Variants in PPP1R12A observed in about 807,000 individuals in gnomAD.
The protein encoded by PPP1R12A is myosin binding subunit.
In PPP1R12A, 19 loss-of-function variants were observed where a neutral mutation model predicts 139.6. That is an observed-to-expected ratio of 0.14 (90% confidence interval 0.09 to 0.20). The LOEUF (loss-of-function observed/expected upper bound fraction) is 0.20. Ranked by LOEUF, PPP1R12A falls within the 10% of genes least tolerant of loss-of-function variation. The pLI is 1.00. For missense variants in PPP1R12A, 925 were observed against 1,211.5 expected, an observed-to-expected ratio of 0.76 and a Z score of 3.51; for synonymous variants, 427 against 420.6, an observed-to-expected ratio of 1.02 and a Z score of -0.19.
chr12:79,830,430 A>T (rs1351918357), intron 4 of PPP1R12A, among the ~76,000 whole-genome samples: 1 of 152,138 alleles, frequency 6.6e-6, no homozygotes, highest in Non-Finnish European at 1.5e-5. Context: ...ACATTCTCTT[A>T]TTCCTATTAT....
At position 79,809,919 on chromosome 12, in the gene PPP1R12A, C is replaced by T. The variant is rs979916853; in HGVS notation, c.1331G>A (p.Gly444Asp). 4 of 1,613,432 alleles carry T rather than the reference C, an allele frequency of 2.5e-6. No individual in the cohort carries two copies. The highest frequency in any genetic ancestry group is 3.4e-6 in the Non-Finnish European group (4 of 1,179,680). The part of the protein sequence containing the change: ...ATWRLGLRKT[G>D]SYGALAEITA... ...GATTTCAGCAAGTGCACCATAGCTGCCCGTCTTTCTAAGTCCTAACCTCCA... is the reference window on the plus strand; with the variant it reads ...GATTTCAGCAAGTGCACCATAGCTGTCCGTCTTTCTAAGTCCTAACCTCCA... The change falls in exon 10 of 25, where the codon GGC becomes GAC. Residue 444 changes from glycine (G) to aspartate (D), a missense_variant. By Grantham distance (94) the Gly-to-Asp change is moderately conservative (BLOSUM62 -1). Transcript: ENST00000450142.
chr12:79,792,672 C>T (rs531267688), intron 19 of PPP1R12A, among the ~76,000 whole-genome samples: 1 of 152,206 alleles, frequency 6.6e-6, no homozygotes, highest in South Asian at 2.1e-4. Flanking sequence ...AAAATTACAA[C>T]TTTAAAAGCC....
chr12:79,933,788 A>G (rs1255040668), intron 1 of PPP1R12A, among the ~76,000 whole-genome samples: 1 of 152,246 alleles, frequency 6.6e-6, no homozygotes, highest in African/African-American at 2.4e-5. Context: ...TCAGACTACT[A>G]TAAAACTTTA....
At chr12:79,930,618 C>A (rs1888182785) in intron 1 of PPP1R12A, among the ~76,000 whole-genome samples, 1 of 151,808 alleles carries the variant, frequency 6.6e-6, no homozygotes, top group Non-Finnish European at 1.5e-5. Flanking sequence ...ACTAAAAATA[C>A]AAAATTAGCT....
chr12:79,883,920 T>A (rs1376173267), intron 1 of PPP1R12A, among the ~76,000 whole-genome samples: 1 of 152,110 alleles, frequency 6.6e-6, no homozygotes, highest in Non-Finnish European at 1.5e-5. Context: ...AAAAGGAATA[T>A]GGTAAGACAA....
Position 79,843,766 on chromosome 12 carries a change from C to T in PPP1R12A, c.487+1536G>A, listed in dbSNP as rs1169436037. Among the ~76,000 whole-genome samples, 5 of 150,606 alleles carry T rather than the reference C, an allele frequency of 3.3e-5. No homozygotes were observed. The East Asian group carries it at 9.9e-4, about 30-fold the overall frequency. On this transcript the variant is annotated intron_variant, in intron 3 of 24. Coordinates refer to ENST00000450142, the MANE Select transcript of PPP1R12A (RefSeq NM_002480.3). ...TTCTCAAGGCTGGAGTGCAGTGGTG[C>T]AATCTCAGCTCACTGCGACCTCCGC... is the stretch of plus-strand genomic sequence containing the variant.
chr12:79,930,536 G>C (rs1304442342), intron 1 of PPP1R12A, among the ~76,000 whole-genome samples: 6 of 152,178 alleles, frequency 3.9e-5, no homozygotes, highest in African/African-American at 1.4e-4. Context: ...ACTTTGGGAG[G>C]CCGAGGCAGG....
chr12:79,838,554 G>A (rs980120713), intron 3 of PPP1R12A, among the ~76,000 whole-genome samples: 3 of 152,216 alleles, frequency 2.0e-5, no homozygotes, highest in African/African-American at 7.2e-5. Context: ...ATGGTTTCAT[G>A]GGCCGGGTCC....
At chr12:79,813,150 A>G (rs1053433063) in intron 9 of PPP1R12A, among the ~76,000 whole-genome samples, 1 of 152,210 alleles carries the variant, frequency 6.6e-6, no homozygotes, top group African/African-American at 2.4e-5. Context: ...ACATCCTGCA[A>G]TATAGCTCTA....
At chr12:79,835,497 A>G (rs1877964923) in intron 3 of PPP1R12A, among the ~76,000 whole-genome samples, 1 of 152,148 alleles carries the variant, frequency 6.6e-6, no homozygotes, top group African/African-American at 2.4e-5. Context: ...TGGAGTTGCC[A>G]CTTCTAGACT....
intron 22 of PPP1R12A, among the ~76,000 whole-genome samples, chr12:79,783,741 T>A (rs1870766200): frequency 6.6e-6 from 1 of 152,208 alleles, no homozygotes; most frequent in African/African-American, 2.4e-5. Flanking sequence ...CTGGAGATTT[T>A]TTCATATGGG....
chr12:79,878,192 T>C (rs1450066719), intron 1 of PPP1R12A: 1 of 147,652 alleles, frequency 6.8e-6, no homozygotes, highest in Non-Finnish European at 1.5e-5. Flanking sequence ...ATGTAAATTA[T>C]ACCTCAAGTT....
chr12:79,843,669 T>C (rs997022512), intron 3 of PPP1R12A, among the ~76,000 whole-genome samples: 1 of 134,936 alleles, frequency 7.4e-6, no homozygotes, highest in African/African-American at 2.9e-5. Flanking sequence ...GATATAGATA[T>C]AGATATATGG....
chr12:79,815,741 G>A (rs1017687825), intron 9 of PPP1R12A, among the ~76,000 whole-genome samples: 2 of 152,114 alleles, frequency 1.3e-5, no homozygotes, highest in Non-Finnish European at 2.9e-5. Context: ...AAATTTTGCA[G>A]ACAAACTGCT....
Position 79,820,761 on chromosome 12 carries a change from CT to C in PPP1R12A, c.1114+12del, listed in dbSNP as rs1876010669. On this transcript the variant is annotated intron_variant, in intron 8 of 24. Coordinates refer to ENST00000450142, the MANE Select transcript of PPP1R12A (RefSeq NM_002480.3). Reference sequence around the variant, plus strand: ...CAAAATTCAACGAAAATGCATTTATCTTTTAATTTTACCTGTTTCAGCTTCT... The same window carrying C: ...CAAAATTCAACGAAAATGCATTTATCTTTAATTTTACCTGTTTCAGCTTCT... The C allele has an allele frequency of 6.2e-7, 1 of 1,606,178 alleles. No individual in the cohort carries two copies. The highest frequency in any genetic ancestry group is 2.2e-5 in the East Asian group (1 of 44,746).
At chr12:79,782,934 C>T (rs942229906) in intron 22 of PPP1R12A, among the ~76,000 whole-genome samples, 2 of 151,876 alleles carry the variant, frequency 1.3e-5, no homozygotes, top group Admixed American at 1.3e-4. Flanking sequence ...TTATGCCAAC[C>T]CTTTCAGTAT....
intron 1 of PPP1R12A, among the ~76,000 whole-genome samples, chr12:79,915,602 C>T (rs560307526): frequency 1.3e-5 from 2 of 152,268 alleles, no homozygotes; most frequent in South Asian, 2.1e-4. Flanking sequence ...TACCAACCTA[C>T]ACTCATCCAT....
At chr12:79,909,455 G>A (rs146024305) in intron 1 of PPP1R12A, among the ~76,000 whole-genome samples, 13 of 151,754 alleles carry the variant, frequency 8.6e-5, no homozygotes, top group Non-Finnish European at 1.0e-4. Context: ...TCTGCACCCC[G>A]GCTGGGCATG....
chr12:79,887,212 G>A (rs1884184427), intron 1 of PPP1R12A, among the ~76,000 whole-genome samples: 1 of 152,070 alleles, frequency 6.6e-6, no homozygotes, highest in African/African-American at 2.4e-5. Flanking sequence ...AAATAAGTAG[G>A]CATTTATGAC....
Sources: allele counts gnomAD v4.1 joint callset (sites outside exome capture counted in the v4.1 genomes callset), GRCh38; gene constraint gnomAD v4.1.1; transcripts MANE v1.5; gene names NCBI Gene and HGNC (gene_info 2026-07-23, HGNC 2026-07-21).